ZNF385D: variants seen among roughly 807,000 people sequenced by gnomAD.
ZNF385D encodes the protein zinc finger protein 385D.
In ZNF385D, 15 loss-of-function variants were observed where a neutral mutation model predicts 35.8. That is an observed-to-expected ratio of 0.42 (90% CI 0.28 to 0.64). The LOEUF is 0.64. ZNF385D is among the 30% of genes least tolerant of loss of function. The pLI is 0.23. For synonymous variants in ZNF385D, 212 were observed against 186.8 expected (o/e 1.13, Z -1.10); for missense variants, 474 against 494.6 (o/e 0.96, Z 0.39).
intron 2 of ZNF385D, among the ~76,000 whole-genome samples, chr3:22,254,864 C>T (rs1245179955): frequency 1.3e-5 from 2 of 151,652 alleles, no homozygotes; most frequent in East Asian, 3.9e-4. Context: ...TGTGCTTAGT[C>T]CCTGTGTTAT....
At chr3:21,442,258 A>T (rs1701900252) in intron 4 of ZNF385D, among the ~76,000 whole-genome samples, 1 of 152,194 alleles carries the variant, frequency 6.6e-6, no homozygotes, top group Non-Finnish European at 1.5e-5. Context: ...TGAAGTGGAA[A>T]AACCATAGGT....
intron 2 of ZNF385D, among the ~76,000 whole-genome samples, chr3:21,609,419 C>A (rs1001240236): frequency 3.9e-5 from 6 of 152,172 alleles, no homozygotes; most frequent in African/African-American, 1.4e-4. Context: ...TATTAGCAAG[C>A]CAAATGGCTC....
At chr3:21,984,340 G>A (rs1219926107) in intron 3 of ZNF385D, among the ~76,000 whole-genome samples, 1 of 129,350 alleles carries the variant, frequency 7.7e-6, no homozygotes, top group Non-Finnish European at 1.6e-5. Flanking sequence ...ATTGATTTTT[G>A]TATAAGGTGT....
intron 3 of ZNF385D, among the ~76,000 whole-genome samples, chr3:21,798,515 G>A (rs11129022): frequency 0.16 from 24,184 of 152,110 alleles, 2,139 homozygotes; most frequent in Non-Finnish European, 0.19. Flanking sequence ...CAGGGGAAGC[G>A]TCTGCTGCAG....
At chr3:21,429,946 A>G (rs927046634) in intron 5 of ZNF385D, among the ~76,000 whole-genome samples, 2 of 151,820 alleles carry the variant, frequency 1.3e-5, no homozygotes, top group Non-Finnish European at 2.9e-5. Flanking sequence ...TAAGGTGTTT[A>G]TTTATGATAT....
chr3:21,721,660 G>T, intron 1 of ZNF385D, among the ~76,000 whole-genome samples: 1 of 152,154 alleles, frequency 6.6e-6, no homozygotes, highest in Non-Finnish European at 1.5e-5. Context: ...ACTATTTTAA[G>T]TTATGCACGT....
intron 2 of ZNF385D, among the ~76,000 whole-genome samples, chr3:21,584,319 T>C (rs1240180721): frequency 6.6e-6 from 1 of 152,194 alleles, no homozygotes; most frequent in African/African-American, 2.4e-5. Context: ...CTAACTGAAA[T>C]ATTCTGTCTT....
chr3:22,131,662 G>A (rs939837580), intron 3 of ZNF385D, among the ~76,000 whole-genome samples: 3 of 152,092 alleles, frequency 2.0e-5, no homozygotes, highest in Non-Finnish European at 2.9e-5. Context: ...TTTATCCAGA[G>A]GTAAAGGAGT....
chr3:21,421,124 C>T lies in ZNF385D; in HGVS notation c.*90G>A. The T allele has an allele frequency of 1.2e-6, 1 of 810,214 alleles. No individual in the cohort carries two copies. Among genetic ancestry groups the T allele is most frequent in the Non-Finnish European group, 1.7e-6 (1 of 588,306 alleles). 50.2% of individuals were successfully genotyped at this position (810,214 alleles called of 1,614,324 possible). On this transcript the variant is annotated 3_prime_UTR_variant, in exon 8 of 8. Coordinates refer to ENST00000281523, the MANE Select transcript of ZNF385D (RefSeq NM_024697.3). The stretch of plus-strand genomic sequence containing the variant: ...CCTGGCTCTTCAGATATACTTTAAA[C>T]TATAAATAAACACTGCATAGTTCTC...
chr3:21,694,188 C>T (rs1490248979), intron 1 of ZNF385D, among the ~76,000 whole-genome samples: 3 of 151,552 alleles, frequency 2.0e-5, no homozygotes, highest in East Asian at 1.9e-4. Context: ...GGACTACAGG[C>T]GCCCGCCACC....
intron 4 of ZNF385D, among the ~76,000 whole-genome samples, chr3:21,469,360 TGA>T (rs1405393727): frequency 2.0e-5 from 3 of 152,172 alleles, no homozygotes; most frequent in Non-Finnish European, 4.4e-5. Flanking sequence ...GCAGTAAGTG[TGA>T]GTTTGCCTCC....
At chr3:22,188,281 G>T (rs149303137) in intron 2 of ZNF385D, among the ~76,000 whole-genome samples, 1 of 152,198 alleles carries the variant, frequency 6.6e-6, no homozygotes, top group African/African-American at 2.4e-5. Flanking sequence ...AGAGAGACTC[G>T]GAGTGGAGAG....
At chr3:21,576,075 C>G (rs1028610378) in intron 2 of ZNF385D, among the ~76,000 whole-genome samples, 18 of 152,184 alleles carry the variant, frequency 1.2e-4, no homozygotes, top group Admixed American at 1.2e-3. Context: ...AACTCTACAA[C>G]TGCAAACCAC....
At chr3:22,150,253 T>G (rs185586393) in intron 3 of ZNF385D, among the ~76,000 whole-genome samples, 1 of 152,280 alleles carries the variant, frequency 6.6e-6, no homozygotes, top group Non-Finnish European at 1.5e-5. Flanking sequence ...TATGTTCAAA[T>G]AGGGCCTCAT....
chr3:22,156,210 T>C (rs1224174728), intron 3 of ZNF385D, among the ~76,000 whole-genome samples: 1 of 150,944 alleles, frequency 6.6e-6, no homozygotes, highest in Non-Finnish European at 1.5e-5. Context: ...GAAGACACAA[T>C]CCTCAAGTGA....
At chr3:21,625,909 C>T (rs77576381) in intron 2 of ZNF385D, among the ~76,000 whole-genome samples, 1 of 152,162 alleles carries the variant, frequency 6.6e-6, no homozygotes, top group Non-Finnish European at 1.5e-5. Context: ...ATTCAAATTA[C>T]CCCTCCTTTC....
intron 3 of ZNF385D, among the ~76,000 whole-genome samples, chr3:22,000,012 A>C (rs1695735136): frequency 6.6e-6 from 1 of 152,138 alleles, no homozygotes; most frequent in South Asian, 2.1e-4. Flanking sequence ...CAATCCAAAA[A>C]GGTTTTATCT....
In ZNF385D at chr3:21,964,474, T is replaced by A. The variant is rs1162329581; in HGVS notation, c.325+204343A>T. Among the ~76,000 whole-genome samples, 3 of 7,210 alleles carry A rather than the reference T, an allele frequency of 4.2e-4. No homozygotes were observed. The African/African-American group carries it at 0.01, about 24-fold the overall frequency. 4.7% of individuals were successfully genotyped at this position (7,210 alleles called of 152,430 possible). On this transcript the variant is annotated intron_variant, in intron 3 of 5. Coordinates refer to the ZNF385D transcript ENST00000494108. ...AAAAGATGTCCAATTTCTCAGATTT[T>A]TTTTTTTTTTTTTTTTTTTTTTTTT...
At chr3:21,621,308 G>T (rs1171661267) in intron 2 of ZNF385D, among the ~76,000 whole-genome samples, 1 of 152,084 alleles carries the variant, frequency 6.6e-6, no homozygotes, top group Non-Finnish European at 1.5e-5. Context: ...AAAGTAAATG[G>T]AATTAATGGG....
Sources: gnomAD v4.1 joint callset for allele counts (sites outside exome capture counted in the v4.1 genomes callset) on GRCh38, gnomAD v4.1.1 for gene constraint, MANE v1.5 for transcripts, NCBI Gene and HGNC (gene_info 2026-07-23, HGNC 2026-07-21) for gene names.